GPAT4: variants seen among roughly 807,000 people sequenced by gnomAD.
GPAT4 encodes the protein glycerol-3-phosphate acyltransferase 4.
In GPAT4, 17 loss-of-function variants were observed where a neutral mutation model predicts 58.0. The ratio of observed to expected loss-of-function variants is 0.29; its 90% CI spans 0.20 to 0.44. The LOEUF is 0.44. Among genes scored for constraint, GPAT4 ranks in the 20% least tolerant of loss-of-function variants. GPAT4 has a pLI of 1.00. For synonymous variants in GPAT4, 204 were observed against 210.1 expected, an observed-to-expected ratio of 0.97 and a Z score of 0.25; for missense variants, 377 against 574.5, an observed-to-expected ratio of 0.66 and a Z score of 3.51.
At chr8:41,594,788 G>T (rs903554560) in intron 1 of GPAT4, among the ~76,000 whole-genome samples, 4 of 151,998 alleles carry the variant, frequency 2.6e-5, no homozygotes, top group Non-Finnish European at 5.9e-5. Flanking sequence ...CTTGTGATCT[G>T]CCCGCCTCGG....
Position 41,586,376 on chromosome 8 carries a change from T to A in GPAT4, c.-849+8098T>A, listed in dbSNP as rs1435470310. ...GTTCTGAATAATGCCATTGTAAGCA[T>A]TCATGTGCAATTTTTTTGGTGTAGA... On this transcript the variant is annotated intron_variant, in intron 1 of 12. Transcript: ENST00000396987. Among the ~76,000 whole-genome samples, 3 of 152,352 alleles carry A rather than the reference T, an allele frequency of 2.0e-5. No homozygotes were observed. The East Asian group carries it at 5.8e-4, about 29-fold the overall frequency.
chr8:41,608,146 A>AG (rs1803335462), intron 2 of GPAT4, among the ~76,000 whole-genome samples: 1 of 152,184 alleles, frequency 6.6e-6, no homozygotes, highest in Non-Finnish European at 1.5e-5. Context: ...TTGCGTGGTG[A>AG]CTTTGTGAGC....
chr8:41,606,910 A>G (rs1803289397), intron 2 of GPAT4, among the ~76,000 whole-genome samples: 1 of 152,214 alleles, frequency 6.6e-6, no homozygotes, highest in Admixed American at 6.5e-5. Context: ...CTTCAGAGAA[A>G]GTCTATTTGC....
chr8:41,612,378 C>A, intron 7 of GPAT4, 105 bp downstream of exon 7: 1 of 1,106,320 alleles, frequency 9.0e-7, no homozygotes, highest in Non-Finnish European at 1.3e-6. Context: ...TATGCGTGGG[C>A]CAGGCCCCCA....
chr8:41,581,163 G>A (rs1030749790), intron 1 of GPAT4, among the ~76,000 whole-genome samples: 11 of 152,272 alleles, frequency 7.2e-5, no homozygotes, highest in Admixed American at 2.0e-4. Context: ...ATGTAATAGC[G>A]TACACTATGA....
chr8:41,605,204 T>C (rs543411365), intron 2 of GPAT4, among the ~76,000 whole-genome samples: 2 of 152,360 alleles, frequency 1.3e-5, no homozygotes, highest in Non-Finnish European at 2.9e-5. Context: ...TAGGGGTAAG[T>C]TCTGGCTGCC....
At position 41,609,908 on chromosome 8, in the gene GPAT4, G is replaced by T; in HGVS notation, c.489G>T (p.Leu163=). Residue 163 remains leucine, a synonymous_variant, in exon 4 of 13, where the codon CTG becomes CTT. Transcript: ENST00000396987. ...FQYISLRLTV[L]WGLGVLIRYC... ...ACATCAGCCTTCGGCTCACGGTCCT[G>T]TGGGGGTTAGGAGTGCTGATTCGGT... The T allele has an allele frequency of 6.2e-7, 1 of 1,614,002 alleles. No individual in the cohort carries two copies. The highest frequency in any genetic ancestry group is 8.5e-7 in the Non-Finnish European group (1 of 1,179,898).
At chr8:41,597,528 T>C (rs2150491074) in intron 1 of GPAT4, among the ~76,000 whole-genome samples, 1 of 152,324 alleles carries the variant, frequency 6.6e-6, no homozygotes, top group Middle Eastern at 3.4e-3. Context: ...AAAATGTGTA[T>C]TTTCTTTTCC....
At chr8:41,618,336 G>C (rs1246758129) in intron 10 of GPAT4, among the ~76,000 whole-genome samples, 2 of 152,222 alleles carry the variant, frequency 1.3e-5, no homozygotes, top group African/African-American at 4.8e-5. Flanking sequence ...GGGTACATGG[G>C]AGTGCATGAT....
rs182690524 is a variant in GPAT4, at chr8:41,582,814, T to G, written c.-849+4536T>G. On this transcript the variant is annotated intron_variant, in intron 1 of 12. Coordinates refer to ENST00000396987, the MANE Select transcript of GPAT4 (RefSeq NM_178819.4). Reference sequence around the variant, plus strand: ...TAGTGTACAGTAATATTTGCCCACATGGATAGAATGTGTAATGATAAAATC... The same window carrying G: ...TAGTGTACAGTAATATTTGCCCACAGGGATAGAATGTGTAATGATAAAATC... Among the ~76,000 whole-genome samples the G allele has an allele frequency of 6.4e-3, 981 of 152,246 alleles. 10 individuals carry two copies. The highest frequency in any genetic ancestry group is 9.1e-3 in the Non-Finnish European group (622 of 68,008).
At chr8:41,604,255 C>G (rs928400242) in intron 2 of GPAT4, among the ~76,000 whole-genome samples, 3 of 152,186 alleles carry the variant, frequency 2.0e-5, no homozygotes, top group Non-Finnish European at 4.4e-5. Context: ...TTTGGCAGAC[C>G]TAAGCTAGCC....
At chr8:41,602,931 T>A (rs1803145038) in intron 2 of GPAT4, among the ~76,000 whole-genome samples, 1 of 152,104 alleles carries the variant, frequency 6.6e-6, no homozygotes, top group Non-Finnish European at 1.5e-5. Flanking sequence ...GTCCCTTTTT[T>A]AGGGATATTA....
At chr8:41,578,906 T>G (rs1371637558) in intron 1 of GPAT4, among the ~76,000 whole-genome samples, 1 of 152,190 alleles carries the variant, frequency 6.6e-6, no homozygotes, top group Non-Finnish European at 1.5e-5. Context: ...GAAAATAGCT[T>G]ATAGGAGACA....
At chr8:41,620,597 T>C (rs1371469832) in intron 12 of GPAT4, among the ~76,000 whole-genome samples, 1 of 152,170 alleles carries the variant, frequency 6.6e-6, no homozygotes, top group African/African-American at 2.4e-5. Flanking sequence ...TGAAGATGAA[T>C]GTTAGAGTAG....
At position 41,609,564 on chromosome 8, in the gene GPAT4, CTTCCCTGCATTAG is replaced by C. The variant is rs1348895014; in HGVS notation, c.235+81_236-77del. The C allele has an allele frequency of 1.9e-6, 3 of 1,600,446 alleles. No individual in the cohort carries two copies. The African/African-American group carries it at 4.0e-5, about 21-fold the overall frequency. On this transcript the variant is annotated intron_variant, in intron 3 of 12. Coordinates refer to ENST00000396987, the MANE Select transcript of GPAT4 (RefSeq NM_178819.4). ...CAGTGCTTCTGGTGCCACACACGCTCTTCCCTGCATTAGTGCAGGATGTGTGCTCTGAGTATGT... is the reference window on the plus strand; with the variant it reads ...CAGTGCTTCTGGTGCCACACACGCTCTGCAGGATGTGTGCTCTGAGTATGT...
rs573219253 is a variant in GPAT4 at position 41,594,584 on chromosome 8, C to T, written c.-848-3708C>T. Among the ~76,000 whole-genome samples the T allele has an allele frequency of 1.9e-3, 258 of 137,186 alleles. 2 individuals are homozygous for T. The highest frequency in any genetic ancestry group is 6.5e-3 in the African/African-American group (232 of 35,726). The allele number at this position is 137,186 out of a possible 152,430, so 90.0% of individuals were successfully genotyped here. On this transcript the variant is annotated intron_variant, in intron 1 of 12. Transcript: ENST00000396987. ...TTTTTGAGATGGAGTCTCGCTCTGT[C>T]GCTCAGGCTGGAGTGCAGTGGTCCG...
chr8:41,620,981 A>C lies in GPAT4; in HGVS notation c.1351A>C (p.Lys451Gln). The C allele has an allele frequency of 6.4e-7, 1 of 1,551,298 alleles. No homozygotes were observed. Among genetic ancestry groups the C allele is most frequent in the Non-Finnish European group, 8.7e-7 (1 of 1,147,080 alleles). Residue 451 changes from lysine (K) to glutamine (Q), a missense_variant, in exon 13 of 13, where the codon AAG (lysine) becomes CAG (glutamine). Lys to Gln is a moderately conservative substitution (Grantham distance 53). Transcript: ENST00000396987. ...CAGCAAGATGATCGTGGGGAACCAC[A>C]AGGACAGGAGCCGCTCCTGAGCCTG... The part of the protein sequence containing the change: ...LYSKMIVGNH[K>Q]DRSRS
At chr8:41,581,555 G>A (rs7005632) in intron 1 of GPAT4, among the ~76,000 whole-genome samples, 84,038 of 151,362 alleles carry the variant, frequency 0.56, 23,919 homozygotes, top group Middle Eastern at 0.71. Flanking sequence ...TGGCTCAAAC[G>A]GTCCTCCCGC....
At chr8:41,605,546 TTTTGTTTGTTTGTTTGTTTG>T (rs145318528) in intron 2 of GPAT4, among the ~76,000 whole-genome samples, 11 of 150,950 alleles carry the variant, frequency 7.3e-5, no homozygotes, top group Admixed American at 2.6e-4. Flanking sequence ...GAAGGTTGTG[TTTTGTTTGTTTGTTTGTTTG>T]TTTGTTTGTT....
Sources: gnomAD v4.1 joint callset for allele counts (sites outside exome capture counted in the v4.1 genomes callset) on GRCh38, gnomAD v4.1.1 for gene constraint, MANE v1.5 for transcripts, NCBI Gene and HGNC (gene_info 2026-07-23, HGNC 2026-07-21) for gene names.